Variants in TTC23L observed in about 807,000 individuals in gnomAD.
The protein encoded by TTC23L is tetratricopeptide repeat protein 23-like.
A neutral mutation model predicts 48.1 loss-of-function variants in TTC23L; 42 were observed. That is an observed-to-expected ratio of 0.87 (90% CI 0.68 to 1.13). The LOEUF is 1.13. TTC23L is among the 50% of genes most tolerant of loss of function. The pLI is 0.00. For missense variants in TTC23L, 391 were observed against 421.0 expected, an observed-to-expected ratio of 0.93 and a Z score of 0.62; for synonymous variants, 159 against 157.2, an observed-to-expected ratio of 1.01 and a Z score of -0.09.
At chr5:34,886,890 C>T (rs1005024624) in intron 9 of TTC23L, among the ~76,000 whole-genome samples, 2 of 152,166 alleles carry the variant, frequency 1.3e-5, no homozygotes, top group African/African-American at 2.4e-5. Context: ...CTTGTTTAAC[C>T]ATCCATACCC....
chr5:34,841,415 T>C (rs1580409073), intron 2 of TTC23L, among the ~76,000 whole-genome samples: 1 of 152,354 alleles, frequency 6.6e-6, no homozygotes, highest in African/African-American at 2.4e-5. Context: ...GTACATTTTA[T>C]AGATGAGTAT....
At chr5:34,842,598 G>A (rs1758780793) in intron 2 of TTC23L, among the ~76,000 whole-genome samples, 1 of 152,116 alleles carries the variant, frequency 6.6e-6, no homozygotes, top group African/African-American at 2.4e-5. Context: ...GAAGGGGGGT[G>A]GAAGAAGGGG....
chr5:34,871,160 T>C (rs1761428001), intron 8 of TTC23L, among the ~76,000 whole-genome samples: 2 of 152,124 alleles, frequency 1.3e-5, no homozygotes, highest in African/African-American at 4.8e-5. Context: ...ATTGTCTCTG[T>C]AGAAAATGAC....
chr5:34,887,686 C>G (rs1420958401), intron 9 of TTC23L, among the ~76,000 whole-genome samples: 2 of 152,046 alleles, frequency 1.3e-5, no homozygotes, highest in African/African-American at 4.8e-5. Flanking sequence ...AAAAAGCTCT[C>G]TTAGAACGCA....
the TTC23L span, chr5:34,916,869 G>T: frequency 6.6e-6 from 1 of 152,184 alleles, no homozygotes; most frequent in Non-Finnish European, 1.5e-5. Flanking sequence ...CAGATTGGGG[G>T]GCAGGGGGAG....
intron 8 of TTC23L, among the ~76,000 whole-genome samples, chr5:34,878,814 C>T (rs1273629654): frequency 1.3e-5 from 2 of 152,076 alleles, no homozygotes; most frequent in Non-Finnish European, 2.9e-5. Context: ...AATAGAATGA[C>T]CATTTGATCC....
chr5:34,915,581 AGCCGCGCGT>A, the TTC23L span: 2 of 938,286 alleles, frequency 2.1e-6, no homozygotes, highest in African/African-American at 3.4e-5. Context: ...AGGCCTAGAG[AGCCGCGCGT>A]GCCGCGCCAC....
At chr5:34,923,257 T>A in the TTC23L span, 4 of 1,482,412 alleles carry the variant, frequency 2.7e-6, no homozygotes, top group Non-Finnish European at 3.8e-6. Context: ...TGATTTTTAA[T>A]TATACCTTTT....
the TTC23L span, among the ~76,000 whole-genome samples, chr5:34,923,606 G>A: frequency 8.0e-3 from 1,216 of 152,032 alleles, 11 homozygotes; most frequent in African/African-American, 0.025. Flanking sequence ...ATAGAGTGTC[G>A]CAGTGTTGCC....
chr5:34,849,410 C>T (rs1185533200), intron 3 of TTC23L, among the ~76,000 whole-genome samples: 1 of 152,256 alleles, frequency 6.6e-6, no homozygotes, highest in East Asian at 1.9e-4. Flanking sequence ...CATGATGAGA[C>T]ACCATGAGGA....
At chr5:34,867,349 C>A in intron 7 of TTC23L, 1 of 445,590 alleles carries the variant, frequency 2.2e-6, no homozygotes. Flanking sequence ...AAAAAAGAAG[C>A]AAAATGTGAG....
downstream of TTC23L, among the ~76,000 whole-genome samples, chr5:34,901,223 C>G (rs187977092): frequency 6.7e-6 from 1 of 149,608 alleles, no homozygotes; most frequent in Non-Finnish European, 1.5e-5. Flanking sequence ...TCAAAAAACT[C>G]CAAAAAAAAA....
intron 8 of TTC23L, among the ~76,000 whole-genome samples, chr5:34,879,204 G>A (rs1580470002): frequency 6.6e-6 from 1 of 152,094 alleles, no homozygotes; most frequent in African/African-American, 2.4e-5. Context: ...GATGTGGGGT[G>A]GATGATGAGA....
chr5:34,924,846 GATC>G, the TTC23L span: 1 of 1,594,366 alleles, frequency 6.3e-7, no homozygotes, highest in Non-Finnish European at 8.6e-7. Flanking sequence ...TTTTATTAAA[GATC>G]ATAGAAGAAG....
At chr5:34,924,908 A>C in the TTC23L span, 1 of 1,612,218 alleles carries the variant, frequency 6.2e-7, no homozygotes. Flanking sequence ...AATCTCATAA[A>C]GATTTTCCAG....
At chr5:34,924,708 C>A in the TTC23L span, 1 of 553,490 alleles carries the variant, frequency 1.8e-6, no homozygotes. Flanking sequence ...TGATGATTTG[C>A]CATTTACCAA....
intron 8 of TTC23L, among the ~76,000 whole-genome samples, chr5:34,876,894 G>A (rs539245161): frequency 1.5e-3 from 233 of 152,074 alleles, no homozygotes; most frequent in African/African-American, 5.5e-3. Context: ...TGTAGACGAC[G>A]GGTTGATGGG....
At chr5:34,847,703 C>T (rs1204246781) in intron 3 of TTC23L, among the ~76,000 whole-genome samples, 8 of 152,020 alleles carry the variant, frequency 5.3e-5, no homozygotes, top group East Asian at 3.9e-4. Context: ...GCTTCTTCCT[C>T]GAAAGAGAAC....
downstream of TTC23L, among the ~76,000 whole-genome samples, chr5:34,904,409 C>T (rs996043888): frequency 6.6e-6 from 1 of 151,342 alleles, no homozygotes; most frequent in Non-Finnish European, 1.5e-5. Flanking sequence ...TCCTGGCCAA[C>T]ATGGTGAAAC....
Sources: allele counts gnomAD v4.1 joint callset (sites outside exome capture counted in the v4.1 genomes callset), GRCh38; gene constraint gnomAD v4.1.1; transcripts MANE v1.5; gene names NCBI Gene and HGNC (gene_info 2026-07-23, HGNC 2026-07-21).